The following MICU1 variants were observed in gnomAD, a reference collection of about 807,000 sequenced individuals.
The protein encoded by MICU1 is calcium uptake protein 1, mitochondrial.
Under a neutral mutation model 56.8 loss-of-function variants are expected in MICU1, and 45 were observed. The observed-to-expected ratio is 0.79, with a 90% CI of 0.62 to 1.02. MICU1 has a LOEUF of 1.02. MICU1 is among the 50% of genes least tolerant of loss of function. MICU1 has a pLI of 0.00. For missense variants in MICU1, 504 were observed against 587.1 expected, an observed-to-expected ratio of 0.86 and a Z score of 1.46; for synonymous variants, 186 against 195.1, an observed-to-expected ratio of 0.95 and a Z score of 0.39.
chr10:72,490,210 C>CAT (rs1866607759), intron 6 of MICU1, among the ~76,000 whole-genome samples: 1 of 152,034 alleles, frequency 6.6e-6, no homozygotes, highest in Non-Finnish European at 1.5e-5. Flanking sequence ...AGCTGCTCTA[C>CAT]ATATATATAT....
At chr10:72,447,142 T>TC (rs1170403900) in intron 8 of MICU1, among the ~76,000 whole-genome samples, 19 of 152,204 alleles carry the variant, frequency 1.2e-4, no homozygotes, top group Admixed American at 4.6e-4. Flanking sequence ...AAACCAGATT[T>TC]CTGCAAAGGT....
At chr10:72,536,358 A>AATTT (rs887137091) in intron 4 of MICU1, among the ~76,000 whole-genome samples, 3 of 151,902 alleles carry the variant, frequency 2.0e-5, no homozygotes, top group South Asian at 4.1e-4. Flanking sequence ...TTAATTAATT[A>AATTT]TTTTTTGAGA....
At chr10:72,415,013 G>GTTTT (rs71018285) in intron 9 of MICU1, among the ~76,000 whole-genome samples, 6 of 114,262 alleles carry the variant, frequency 5.3e-5, no homozygotes, top group African/African-American at 1.2e-4. Flanking sequence ...CTCCTGCTTA[G>GTTTT]TTTTTTTTTT....
At chr10:72,540,484 G>A (rs929291215) in intron 4 of MICU1, among the ~76,000 whole-genome samples, 1 of 151,806 alleles carries the variant, frequency 6.6e-6, no homozygotes, top group Non-Finnish European at 1.5e-5. Context: ...GAGCAACCTG[G>A]GAAACACAGT....
intron 3 of MICU1, among the ~76,000 whole-genome samples, chr10:72,558,094 T>G (rs1034290): frequency 0.6 from 91,882 of 152,070 alleles, 29,284 homozygotes; most frequent in African/African-American, 0.71. Context: ...TAACAAACCA[T>G]ATCTTTACTG....
chr10:72,531,662 G>T (rs1450986611), intron 5 of MICU1: 3 of 151,958 alleles, frequency 2.0e-5, no homozygotes, highest in African/African-American at 7.2e-5. Flanking sequence ...AGGTTGCAGT[G>T]AGCTGAGATG....
intron 8 of MICU1, among the ~76,000 whole-genome samples, chr10:72,438,763 T>C (rs954913215): frequency 2.0e-5 from 3 of 152,132 alleles, no homozygotes; most frequent in African/African-American, 4.8e-5. Flanking sequence ...CAGAGAATAC[T>C]ATAAACACCT....
At chr10:72,508,291 C>G in intron 5 of MICU1, 22 bp from the exon 6 acceptor site, 1 of 1,108,048 alleles carries the variant, frequency 9.0e-7, no homozygotes, top group South Asian at 1.9e-5. Context: ...ATGGGTCCCA[C>G]CAAAAGACAA....
At chr10:72,393,073 G>C (rs1029908929) in intron 10 of MICU1, among the ~76,000 whole-genome samples, 2 of 152,206 alleles carry the variant, frequency 1.3e-5, no homozygotes, top group African/African-American at 4.8e-5. Context: ...TTTGTTCCCT[G>C]GGCTGCTGGG....
At chr10:72,446,836 T>TG (rs1360291259) in intron 8 of MICU1, among the ~76,000 whole-genome samples, 2 of 152,184 alleles carry the variant, frequency 1.3e-5, no homozygotes, top group Non-Finnish European at 2.9e-5. Flanking sequence ...CTATTAATAA[T>TG]GATAGTAAGA....
At chr10:72,613,690 C>A (rs931030825) in intron 1 of MICU1, among the ~76,000 whole-genome samples, 1 of 152,156 alleles carries the variant, frequency 6.6e-6, no homozygotes, top group African/African-American at 2.4e-5. Flanking sequence ...AATACTAGAA[C>A]ACATACAAAC....
At chr10:72,524,084 G>A in intron 5 of MICU1, 5 of 816,174 alleles carry the variant, frequency 6.1e-6, no homozygotes, top group Non-Finnish European at 8.1e-6. Context: ...CATCAGTCCT[G>A]TTACAGTTCA....
chr10:72,415,013 G>GTTTTTT (rs71018285), intron 9 of MICU1, among the ~76,000 whole-genome samples: 1 of 114,266 alleles, frequency 8.8e-6, no homozygotes, highest in African/African-American at 3.0e-5. Flanking sequence ...CTCCTGCTTA[G>GTTTTTT]TTTTTTTTTT....
intron 4 of MICU1, among the ~76,000 whole-genome samples, chr10:72,547,313 G>T (rs943550067): frequency 6.6e-6 from 1 of 152,124 alleles, no homozygotes; most frequent in Non-Finnish European, 1.5e-5. Context: ...TGCTAGGATT[G>T]CAGGCTTGAG....
intron 1 of MICU1, among the ~76,000 whole-genome samples, chr10:72,597,002 G>A (rs1841398403): frequency 6.6e-6 from 1 of 151,928 alleles, no homozygotes; most frequent in Non-Finnish European, 1.5e-5. Context: ...TCACACTAAT[G>A]CAAGATAAAA....
At chr10:72,485,786 G>A (rs1333958905) in intron 6 of MICU1, among the ~76,000 whole-genome samples, 3 of 151,980 alleles carry the variant, frequency 2.0e-5, no homozygotes, top group Non-Finnish European at 4.4e-5. Context: ...TAAAAACTGA[G>A]TGGGGAGAAG....
chr10:72,425,512 T>A lies in MICU1; in HGVS notation c.934-2141A>T, dbSNP rs551028900. Among the ~76,000 whole-genome samples, 4 of 152,376 alleles carry A rather than the reference T, an allele frequency of 2.6e-5. No homozygotes were observed. The East Asian group carries it at 7.7e-4, about 29-fold the overall frequency. ...ATTCCAAGATTAGCATTTTTACTAA[T>A]GTTCTTTGAAAACTCAGACTTGTCT... On this transcript the variant is annotated intron_variant, in intron 8 of 11. Transcript: ENST00000361114.
intron 1 of MICU1, among the ~76,000 whole-genome samples, chr10:72,604,362 C>T (rs547869384): frequency 3.7e-4 from 19 of 50,916 alleles, no homozygotes; most frequent in East Asian, 3.2e-3. Context: ...CAACCTCCCC[C>T]TCCTGGGTTC....
chr10:72,391,588 G>A (rs924938084), intron 10 of MICU1, among the ~76,000 whole-genome samples: 1 of 152,072 alleles, frequency 6.6e-6, no homozygotes, highest in African/African-American at 2.4e-5. Flanking sequence ...GTAATCTTGA[G>A]ATAATTTAAA....
Sources: gnomAD v4.1 joint callset for allele counts (sites outside exome capture counted in the v4.1 genomes callset) on GRCh38, gnomAD v4.1.1 for gene constraint, MANE v1.5 for transcripts, NCBI Gene and HGNC (gene_info 2026-07-23, HGNC 2026-07-21) for gene names.